The following ARMC2 variants were observed in gnomAD, a reference collection of about 807,000 sequenced individuals.
The protein encoded by ARMC2 is armadillo repeat containing 2, also known as armadillo repeat-containing protein 2.
ARMC2 carries 67 observed loss-of-function variants against 90.3 expected under a neutral mutation model. The ratio of observed to expected loss-of-function variants is 0.74; its 90% CI spans 0.61 to 0.91. The LOEUF (loss-of-function observed/expected upper bound fraction) is 0.91, where lower values mean the gene tolerates loss of function less well. Among genes scored for constraint, ARMC2 ranks in the 40% least tolerant of loss-of-function variants. The pLI is 0.00. For synonymous variants in ARMC2, 393 were observed against 393.0 expected (o/e 1.00, Z 0.00); for missense variants, 920 against 1,030.9 (o/e 0.89, Z 1.47).
At chr6:108,949,460 ATTAT>A in intron 12 of ARMC2, among the ~76,000 whole-genome samples, 1 of 152,338 alleles carries the variant, frequency 6.6e-6, no homozygotes, top group East Asian at 1.9e-4. Flanking sequence ...ATTGTTATTA[ATTAT>A]TAGGATTTTC....
In ARMC2 at chr6:108,928,249, C is replaced by T. The variant is rs112225962; in HGVS notation, c.1496+16C>T. The stretch of plus-strand genomic sequence containing the variant: ...GAATATTCAGGTAGGTAGACTAAGA[C>T]GTGAAGTAGCCTTACAAAAATGCTA... On this transcript the variant is annotated intron_variant, in intron 11 of 17. Transcript: ENST00000392644. 1,336 of 1,452,930 alleles carry T rather than the reference C, an allele frequency of 9.2e-4. 18 individuals carry two copies. In the African/African-American group the frequency reaches 0.016, roughly 18 times the overall value. 90.0% of individuals were successfully genotyped at this position (1,452,930 alleles called of 1,614,324 possible). A position where few individuals can be genotyped will look rare whatever the true frequency, so the allele number is the denominator to read the frequency against.
intron 10 of ARMC2, among the ~76,000 whole-genome samples, chr6:108,923,640 A>AT (rs1774824751): frequency 1.1e-5 from 1 of 94,148 alleles, no homozygotes. Flanking sequence ...TTTTTCCTGC[A>AT]TTTTTTCCAG....
At chr6:108,904,578 T>C (rs1772477317) in intron 8 of ARMC2, among the ~76,000 whole-genome samples, 173 bp downstream of exon 8, 1 of 151,082 alleles carries the variant, frequency 6.6e-6, no homozygotes, top group South Asian at 2.1e-4. Context: ...AAATATTATC[T>C]AAGGAACTAA....
chr6:108,980,526 C>T, the ARMC2 span, among the ~76,000 whole-genome samples: 10 of 135,026 alleles, frequency 7.4e-5, no homozygotes, highest in Non-Finnish European at 3.3e-5. Flanking sequence ...CTGAGGAGAA[C>T]GCCTGCTGGG....
At chr6:108,870,426 C>G (rs1248340971) in intron 4 of ARMC2, among the ~76,000 whole-genome samples, 1 of 151,766 alleles carries the variant, frequency 6.6e-6, no homozygotes, top group East Asian at 1.9e-4. Flanking sequence ...ATGTCCCCAG[C>G]CTGTGCCATT....
chr6:108,947,731 C>T (rs950944485), intron 12 of ARMC2, among the ~76,000 whole-genome samples: 2 of 151,758 alleles, frequency 1.3e-5, no homozygotes, highest in African/African-American at 2.4e-5. Context: ...ATCTGTTTGT[C>T]TAAGCTCTGG....
intron 17 of ARMC2, among the ~76,000 whole-genome samples, chr6:108,967,186 CTG>C (rs1193990102): frequency 2.0e-5 from 3 of 152,228 alleles, no homozygotes; most frequent in African/African-American, 7.2e-5. Flanking sequence ...GCTGCCCTCC[CTG>C]TGTCTGTCTG....
chr6:108,915,977 G>A (rs1412317178), intron 10 of ARMC2, among the ~76,000 whole-genome samples: 4 of 152,186 alleles, frequency 2.6e-5, no homozygotes, highest in Non-Finnish European at 4.4e-5. Context: ...CCCCAGTTAA[G>A]AGGCATTGCT....
the ARMC2 span, among the ~76,000 whole-genome samples, chr6:109,023,554 G>A: frequency 6.6e-6 from 1 of 152,140 alleles, no homozygotes; most frequent in African/African-American, 2.4e-5. Flanking sequence ...TTTGGTCTAT[G>A]TTAAGAGTAC....
Position 108,886,830 on chromosome 6 carries a change from A to C in ARMC2, c.672-7637A>C, listed in dbSNP as rs147429354. Reference sequence around the variant, plus strand: ...TGCTGACCTCTGACTAAAGAACCTTAGTCATAATAATTAGAAGAACTGTCA... The same window carrying C: ...TGCTGACCTCTGACTAAAGAACCTTCGTCATAATAATTAGAAGAACTGTCA... On this transcript the variant is annotated intron_variant, in intron 5 of 17. Transcript: ENST00000392644. Among the ~76,000 whole-genome samples the C allele has an allele frequency of 4.2e-4, 64 of 152,176 alleles. 1 individual carries two copies. Among genetic ancestry groups the C allele is most frequent in the African/African-American group, 1.4e-3 (58 of 41,532 alleles).
intron 10 of ARMC2, among the ~76,000 whole-genome samples, chr6:108,922,679 A>G (rs1410025608): frequency 6.6e-6 from 1 of 152,206 alleles, no homozygotes; most frequent in African/African-American, 2.4e-5. Context: ...CTACACAATG[A>G]AAACTTTGAG....
chr6:108,987,690 C>A, the ARMC2 span: 1 of 892,284 alleles, frequency 1.1e-6, no homozygotes. Context: ...ATCAGTTTTT[C>A]AGTGAATCTA....
At chr6:108,896,880 A>G (rs1464193587) in intron 6 of ARMC2, among the ~76,000 whole-genome samples, 2 of 152,202 alleles carry the variant, frequency 1.3e-5, no homozygotes, top group Non-Finnish European at 2.9e-5. Context: ...TAAGTGTGTT[A>G]TAAATATGTA....
chr6:108,964,376 C>G, intron 16 of ARMC2, 64 bp downstream of exon 16: 1 of 1,554,444 alleles, frequency 6.4e-7, no homozygotes, highest in Non-Finnish European at 8.7e-7. Context: ...TTCTTGGGAG[C>G]TTTGGCCCTT....
At chr6:109,019,843 T>C in the ARMC2 span, among the ~76,000 whole-genome samples, 3 of 152,342 alleles carry the variant, frequency 2.0e-5, no homozygotes, top group Middle Eastern at 0.01. Flanking sequence ...CTTTCAAGTA[T>C]TCAATTAGAT....
chr6:108,958,982 G>C (rs530268705), intron 13 of ARMC2, among the ~76,000 whole-genome samples: 1 of 152,342 alleles, frequency 6.6e-6, no homozygotes, highest in Non-Finnish European at 1.5e-5. Context: ...TGGAGGTCCT[G>C]TGTCCCTTCT....
chr6:108,866,097 T>A (rs1338828768), intron 3 of ARMC2, among the ~76,000 whole-genome samples: 2 of 151,856 alleles, frequency 1.3e-5, no homozygotes, highest in Non-Finnish European at 2.9e-5. Flanking sequence ...TTTGTCTGCA[T>A]GATTGTTAGT....
rs1776933448 is a variant in ARMC2 at position 108,876,331 on chromosome 6, T to C, written c.652T>C (p.Ser218Pro). The C allele has an allele frequency of 6.2e-7, 1 of 1,611,718 alleles. No individual in the cohort carries two copies. Among genetic ancestry groups the C allele is most frequent in the Non-Finnish European group, 8.5e-7 (1 of 1,179,214 alleles). ...EMFKGTTSLP[S>P]HLKNGGDQGK... ...GTTCAAAGGAACAACATCTTTACCA[T>C]CTCATCTCAAGAATGGAGGGTCAGT... Residue 218 changes from serine (S) to proline (P), a missense_variant, in exon 5 of 18, where the codon TCT (serine) becomes CCT (proline). By Grantham distance (74) the Ser-to-Pro change is moderately conservative. Coordinates refer to ENST00000392644, the MANE Select transcript of ARMC2 (RefSeq NM_032131.6).
intron 4 of ARMC2, among the ~76,000 whole-genome samples, chr6:108,875,220 G>T (rs1776817694): frequency 6.6e-6 from 1 of 152,138 alleles, no homozygotes; most frequent in Non-Finnish European, 1.5e-5. Context: ...CTAAGAATCT[G>T]CAGTCATGAG....
Sources: allele counts gnomAD v4.1 joint callset (sites outside exome capture counted in the v4.1 genomes callset), GRCh38; gene constraint gnomAD v4.1.1; transcripts MANE v1.5; gene names NCBI Gene and HGNC (gene_info 2026-07-23, HGNC 2026-07-21).